RBMS3: variants seen among roughly 807,000 people sequenced by gnomAD.
The protein encoded by RBMS3 is RNA binding motif single stranded interacting protein 3, also known as RNA-binding motif, single-stranded-interacting protein 3.
Under a neutral mutation model 66.8 loss-of-function variants are expected in RBMS3, and 27 were observed. The ratio of observed to expected loss-of-function variants is 0.40; its 90% CI spans 0.30 to 0.56. The LOEUF (loss-of-function observed/expected upper bound fraction) is 0.56. Among genes scored for constraint, RBMS3 ranks in the 20% least tolerant of loss-of-function variants. The pLI is 0.40. For synonymous variants in RBMS3, 188 were observed against 183.0 expected, an observed-to-expected ratio of 1.03 and a Z score of -0.22; for missense variants, 513 against 549.5, an observed-to-expected ratio of 0.93 and a Z score of 0.66.
intron 4 of RBMS3, among the ~76,000 whole-genome samples, chr3:29,657,539 G>A (rs1264036698): frequency 4.6e-5 from 7 of 152,110 alleles, no homozygotes; most frequent in Admixed American, 4.6e-4. Flanking sequence ...GATTTCCTTA[G>A]GAATGTCCTG....
chr3:29,963,852 T>G (rs2149742539), intron 12 of RBMS3, among the ~76,000 whole-genome samples: 1 of 148,908 alleles, frequency 6.7e-6, no homozygotes, highest in Admixed American at 6.7e-5. Flanking sequence ...AAAAGTGTAT[T>G]AAAGGCTGAG....
chr3:29,978,453 AAAGC>A (rs756350788), intron 12 of RBMS3, among the ~76,000 whole-genome samples: 7 of 151,774 alleles, frequency 4.6e-5, no homozygotes, highest in African/African-American at 1.2e-4. Context: ...TGACAAAAAA[AAAGC>A]AAGCAGAAAG....
At chr3:29,654,980 G>GT in intron 4 of RBMS3, among the ~76,000 whole-genome samples, 1 of 152,158 alleles carries the variant, frequency 6.6e-6, no homozygotes, top group South Asian at 2.1e-4. Context: ...GAAGTTTAAG[G>GT]TTTTACCTCC....
intron 6 of RBMS3, among the ~76,000 whole-genome samples, chr3:29,862,395 G>A (rs961695032): frequency 6.6e-6 from 1 of 152,062 alleles, no homozygotes; most frequent in Non-Finnish European, 1.5e-5. Flanking sequence ...CATACACATT[G>A]CACACATACA....
At chr3:29,689,987 T>C (rs2149271766) in intron 4 of RBMS3, among the ~76,000 whole-genome samples, 1 of 149,158 alleles carries the variant, frequency 6.7e-6, no homozygotes, top group South Asian at 2.1e-4. Flanking sequence ...TTACTGTTTC[T>C]TTCATAATCT....
At chr3:29,679,246 A>G (rs2051385431) in intron 4 of RBMS3, among the ~76,000 whole-genome samples, 2 of 152,218 alleles carry the variant, frequency 1.3e-5, no homozygotes, top group African/African-American at 4.8e-5. Context: ...AAGAATATAT[A>G]TGAGCTTCTT....
intron 3 of RBMS3, among the ~76,000 whole-genome samples, chr3:29,517,281 G>A (rs942658591): frequency 3.7e-5 from 5 of 135,440 alleles, no homozygotes; most frequent in Non-Finnish European, 6.0e-5. Flanking sequence ...ATGTGTGTGT[G>A]TGTGTGTGTG....
intron 4 of RBMS3, among the ~76,000 whole-genome samples, chr3:29,588,435 A>G (rs2047609869): frequency 6.6e-6 from 1 of 152,130 alleles, no homozygotes; most frequent in Non-Finnish European, 1.5e-5. Context: ...TGAGATTGCT[A>G]ACATTATTTG....
At chr3:29,785,932 C>T (rs1304515626) in intron 6 of RBMS3, among the ~76,000 whole-genome samples, 1 of 151,856 alleles carries the variant, frequency 6.6e-6, no homozygotes, top group Non-Finnish European at 1.5e-5. Context: ...TGATCGTATA[C>T]CTAGAAAACC....
rs1291440563 is a variant in RBMS3, at chr3:29,928,211, T to TATATATACAC, written c.940-7874_940-7873insTATATACACA. On this transcript the variant is annotated intron_variant, in intron 10 of 14. Transcript: ENST00000383767. ...ATATATATATATATATATATATATA[T>TATATATACAC]ACACACACACACACACACACACACA... Among the ~76,000 whole-genome samples the TATATATACAC allele has an allele frequency of 9.8e-3, 912 of 93,356 alleles. 23 individuals are homozygous for TATATATACAC. Among genetic ancestry groups the TATATATACAC allele is most frequent in the African/African-American group, 0.034 (811 of 23,524 alleles). 61.2% of individuals were successfully genotyped at this position (93,356 alleles called of 152,430 possible).
chr3:29,408,025 C>A (rs2040097814), intron 1 of RBMS3, among the ~76,000 whole-genome samples: 1 of 152,178 alleles, frequency 6.6e-6, no homozygotes, highest in African/African-American at 2.4e-5. Context: ...GTAATCCCAG[C>A]ACTTTGGGAG....
chr3:29,906,404 G>A (rs967504951), intron 10 of RBMS3, among the ~76,000 whole-genome samples: 8 of 152,008 alleles, frequency 5.3e-5, no homozygotes, highest in African/African-American at 1.9e-4. Context: ...GCCAGAGAGA[G>A]CTTCCTTTTC....
At chr3:29,806,080 C>T (rs976213132) in intron 6 of RBMS3, among the ~76,000 whole-genome samples, 1 of 152,014 alleles carries the variant, frequency 6.6e-6, no homozygotes, top group Admixed American at 6.6e-5. Flanking sequence ...TGAAAAGTAG[C>T]TTGTTCTTTT....
chr3:29,481,675 G>A (rs1160684193), intron 2 of RBMS3, among the ~76,000 whole-genome samples: 1 of 152,186 alleles, frequency 6.6e-6, no homozygotes, highest in African/African-American at 2.4e-5. Flanking sequence ...GACTGAGTGA[G>A]TGAAGAAGAA....
At chr3:29,746,229 G>A (rs958519035) in intron 5 of RBMS3, among the ~76,000 whole-genome samples, 1 of 152,124 alleles carries the variant, frequency 6.6e-6, no homozygotes, top group African/African-American at 2.4e-5. Flanking sequence ...GAATTGTTTG[G>A]AGTATTGTTT....
At chr3:29,936,433 T>C (rs2061267145) in intron 11 of RBMS3, among the ~76,000 whole-genome samples, 1 of 152,126 alleles carries the variant, frequency 6.6e-6, no homozygotes, top group African/African-American at 2.4e-5. Flanking sequence ...TTGTTTTTTA[T>C]GGTACAATGT....
intron 1 of RBMS3, among the ~76,000 whole-genome samples, chr3:29,351,520 A>C (rs560479989): frequency 6.6e-6 from 1 of 152,182 alleles, no homozygotes; most frequent in South Asian, 2.1e-4. Flanking sequence ...AGGATAAAAT[A>C]TTTGTATGTT....
chr3:29,422,564 G>A (rs2040796490), intron 1 of RBMS3, among the ~76,000 whole-genome samples: 1 of 151,938 alleles, frequency 6.6e-6, no homozygotes, highest in Admixed American at 6.6e-5. Flanking sequence ...AAGAGCAATA[G>A]AAGTTTGTGT....
chr3:29,584,496 C>T (rs190372653), intron 3 of RBMS3, among the ~76,000 whole-genome samples: 7 of 152,026 alleles, frequency 4.6e-5, no homozygotes, highest in African/African-American at 1.2e-4. Flanking sequence ...TATCCAGCTG[C>T]GATTTGACAT....
Sources: allele counts gnomAD v4.1 joint callset (sites outside exome capture counted in the v4.1 genomes callset), GRCh38; gene constraint gnomAD v4.1.1; transcripts MANE v1.5; gene names NCBI Gene and HGNC (gene_info 2026-07-23, HGNC 2026-07-21).